CNTNAP5: variants seen among roughly 807,000 people sequenced by gnomAD.
CNTNAP5 encodes the protein contactin-associated protein-like 5.
A neutral mutation model predicts 150.2 loss-of-function variants in CNTNAP5; 72 were observed. That is an observed-to-expected ratio of 0.48 (90% CI 0.40 to 0.58). The LOEUF (loss-of-function observed/expected upper bound fraction) is 0.58. Among genes scored for constraint, CNTNAP5 ranks in the 20% least tolerant of loss-of-function variants. CNTNAP5 has a pLI of 0.00. For missense variants in CNTNAP5, 1,636 were observed against 1,626.2 expected, an observed-to-expected ratio of 1.01 and a Z score of -0.10; for synonymous variants, 672 against 619.8, an observed-to-expected ratio of 1.08 and a Z score of -1.25.
chr2:124,187,712 T>C (rs907332280), intron 1 of CNTNAP5, among the ~76,000 whole-genome samples: 2 of 152,202 alleles, frequency 1.3e-5, no homozygotes, highest in Non-Finnish European at 2.9e-5. Context: ...ATGTTTGACC[T>C]GTGGTAAGTT....
chr2:124,444,069 T>G (rs1558904819), intron 5 of CNTNAP5, among the ~76,000 whole-genome samples: 1 of 152,126 alleles, frequency 6.6e-6, no homozygotes, highest in Non-Finnish European at 1.5e-5. Context: ...AGTCATTTCA[T>G]TTTATACATA....
intron 3 of CNTNAP5, among the ~76,000 whole-genome samples, chr2:124,359,774 A>T (rs1690143785): frequency 1.5e-5 from 1 of 68,878 alleles, no homozygotes. Context: ...AAAAAAATGT[A>T]TATTCTGTTG....
intron 6 of CNTNAP5, among the ~76,000 whole-genome samples, chr2:124,461,050 G>C (rs1693235585): frequency 6.6e-6 from 1 of 152,130 alleles, no homozygotes; most frequent in African/African-American, 2.4e-5. Context: ...AGGATGTGGA[G>C]AAATAGGAAC....
intron 13 of CNTNAP5, among the ~76,000 whole-genome samples, chr2:124,664,226 G>T (rs1678649947): frequency 6.6e-6 from 1 of 151,998 alleles, no homozygotes; most frequent in East Asian, 1.9e-4. Flanking sequence ...GGGAGGCTGA[G>T]GTGGGATGAC....
intron 1 of CNTNAP5, among the ~76,000 whole-genome samples, chr2:124,192,910 T>G (rs1204526678): frequency 6.6e-6 from 1 of 152,232 alleles, no homozygotes; most frequent in Non-Finnish European, 1.5e-5. Flanking sequence ...GAAATGTATC[T>G]CATTTCTGAA....
At chr2:124,423,409 G>A (rs372108632) in intron 4 of CNTNAP5, among the ~76,000 whole-genome samples, 10 of 152,052 alleles carry the variant, frequency 6.6e-5, no homozygotes, top group South Asian at 4.1e-4. Context: ...GGTATCCAAG[G>A]ATTTCAGCAC....
At chr2:124,083,165 T>C (rs867417964) in intron 1 of CNTNAP5, among the ~76,000 whole-genome samples, 3 of 152,078 alleles carry the variant, frequency 2.0e-5, no homozygotes, top group Admixed American at 6.5e-5. Context: ...CTGACCAACA[T>C]GACGAAACCC....
At chr2:124,796,322 G>T (rs1681845394) in intron 18 of CNTNAP5, among the ~76,000 whole-genome samples, 1 of 151,992 alleles carries the variant, frequency 6.6e-6, no homozygotes, top group South Asian at 2.1e-4. Flanking sequence ...TTCCATTTAA[G>T]CACACACACA....
chr2:124,651,430 G>C (rs1163769055), intron 13 of CNTNAP5, among the ~76,000 whole-genome samples: 2 of 152,186 alleles, frequency 1.3e-5, no homozygotes, highest in Non-Finnish European at 2.9e-5. Context: ...TTATGTTTGA[G>C]GATATGTGTG....
chr2:124,179,036 G>C (rs1276712770), intron 1 of CNTNAP5, among the ~76,000 whole-genome samples: 1 of 151,224 alleles, frequency 6.6e-6, no homozygotes, highest in Non-Finnish European at 1.5e-5. Context: ...TTTCAAGAAA[G>C]GCTGTATTGA....
rs1687964411 is a variant in CNTNAP5 at position 124,279,572 on chromosome 2, T to A, written c.381+37179T>A. 2.0e-5 allele frequency among the ~76,000 whole-genome samples: 3 copies of A among 151,898 alleles called. No homozygotes were observed. The South Asian group carries it at 6.2e-4, about 31-fold the overall frequency. On this transcript the variant is annotated intron_variant, in intron 3 of 23. Transcript: ENST00000682447. ...GGAAGGACATTTATTTCTATTTTCT[T>A]ATTGAAGACACAGATTCTGATAAGT...
intron 4 of CNTNAP5, among the ~76,000 whole-genome samples, chr2:124,431,533 TTTC>T (rs1247487940): frequency 1.4e-5 from 2 of 141,224 alleles, no homozygotes; most frequent in Non-Finnish European, 3.0e-5. Context: ...ATATATAAAA[TTTC>T]TTTATATAAA....
At chr2:124,375,527 G>A (rs1690624863) in intron 3 of CNTNAP5, among the ~76,000 whole-genome samples, 1 of 152,094 alleles carries the variant, frequency 6.6e-6, no homozygotes, top group South Asian at 2.1e-4. Context: ...GTCACAGATT[G>A]GAGGCCACAT....
intron 21 of CNTNAP5, among the ~76,000 whole-genome samples, chr2:124,870,405 C>T (rs1195562936): frequency 6.6e-6 from 1 of 151,870 alleles, no homozygotes; most frequent in African/African-American, 2.4e-5. Flanking sequence ...CTTTTTCTTT[C>T]AATTTTTCCT....
At chr2:124,541,975 C>T (rs549051132) in intron 10 of CNTNAP5, among the ~76,000 whole-genome samples, 1 of 152,246 alleles carries the variant, frequency 6.6e-6, no homozygotes, top group African/African-American at 2.4e-5. Flanking sequence ...TGTAGATATA[C>T]CTTTCCTGCT....
At chr2:124,238,441 A>C (rs1170803533) in intron 2 of CNTNAP5, among the ~76,000 whole-genome samples, 1 of 152,154 alleles carries the variant, frequency 6.6e-6, no homozygotes, top group African/African-American at 2.4e-5. Flanking sequence ...TTTGCAGAGT[A>C]TGAGGCTTGG....
intron 4 of CNTNAP5, among the ~76,000 whole-genome samples, chr2:124,431,506 A>AGGATATATATATATATAT (rs2104791626): frequency 8.6e-6 from 1 of 116,024 alleles, no homozygotes; most frequent in African/African-American, 3.8e-5. Context: ...AAAAGTGTCA[A>AGGATATATATATATATAT]AGATATATAT....
chr2:124,443,307 T>C (rs1573997950), intron 5 of CNTNAP5, among the ~76,000 whole-genome samples: 1 of 150,272 alleles, frequency 6.7e-6, no homozygotes, highest in African/African-American at 2.4e-5. Context: ...TATGTATATA[T>C]ATTAGAGCAT....
intron 3 of CNTNAP5, among the ~76,000 whole-genome samples, chr2:124,330,682 T>A (rs758021272): frequency 5.3e-5 from 8 of 152,186 alleles, no homozygotes; most frequent in Middle Eastern, 3.2e-3. Context: ...AAACCTCTTC[T>A]CTTTATAAAT....
Sources: allele counts gnomAD v4.1 joint callset (sites outside exome capture counted in the v4.1 genomes callset), GRCh38; gene constraint gnomAD v4.1.1; transcripts MANE v1.5; gene names NCBI Gene and HGNC (gene_info 2026-07-23, HGNC 2026-07-21).